Variants in FRMD4B observed in about 807,000 individuals in gnomAD.
FRMD4B encodes the protein FERM domain-containing protein 4B.
A neutral mutation model predicts 141.5 loss-of-function variants in FRMD4B; 74 were observed. That is an observed-to-expected ratio of 0.52 (90% CI 0.43 to 0.63). The LOEUF is 0.63. Among genes scored for constraint, FRMD4B ranks in the 30% least tolerant of loss-of-function variants. FRMD4B has a pLI of 0.00. For synonymous variants in FRMD4B, 506 were observed against 467.9 expected, an observed-to-expected ratio of 1.08 and a Z score of -1.05; for missense variants, 1,366 against 1,253.4, an observed-to-expected ratio of 1.09 and a Z score of -1.36.
intron 1 of FRMD4B, among the ~76,000 whole-genome samples, chr3:69,514,289 C>A (rs146036528): frequency 6.6e-6 from 1 of 151,928 alleles, no homozygotes; most frequent in Non-Finnish European, 1.5e-5. Flanking sequence ...ATTAGGGAAA[C>A]AATTTCATTT....
intron 11 of FRMD4B, 77 bp downstream of exon 11, chr3:69,216,186 G>T: frequency 1.2e-6 from 1 of 814,294 alleles, no homozygotes; most frequent in Non-Finnish European, 2.1e-6. Flanking sequence ...ACAACCTAAT[G>T]GTGTGTGCTT....
In FRMD4B at chr3:69,307,292, G is replaced by A. The variant is rs964542487; in HGVS notation, c.323+3971C>T. 1.2e-4 allele frequency among the ~76,000 whole-genome samples: 18 copies of A among 152,120 alleles called. 1 individual carries two copies. The highest frequency in any genetic ancestry group is 1.2e-3 in the Admixed American group (18 of 15,278). ...GCGTAGTTTTGAGAAAGAAATCTCA[G>A]GGCAGACAACAAGAAGGGTGGCCCA... On this transcript the variant is annotated intron_variant, in intron 3 of 22. Transcript: ENST00000398540.
At chr3:69,238,955 T>C (rs1432998981) in intron 7 of FRMD4B, among the ~76,000 whole-genome samples, 3 of 152,344 alleles carry the variant, frequency 2.0e-5, no homozygotes, top group South Asian at 2.1e-4. Flanking sequence ...ATTTAATATA[T>C]TGGACATACT....
In FRMD4B at chr3:69,526,523, A is replaced by G. The variant is rs1008672565; in HGVS notation, c.-129+15683T>C. Among the ~76,000 whole-genome samples, 4 of 152,160 alleles carry G rather than the reference A, an allele frequency of 2.6e-5. No homozygotes were observed. In the East Asian group the frequency reaches 7.7e-4, roughly 29 times the overall value. ...ACGGAGGCAACAGGCTGGCACCATA[A>G]AAATCGCATTGGCTCTGCAGTCAGA... On this transcript the variant is annotated intron_variant, in intron 1 of 5. Transcript: ENST00000459638.
At chr3:69,446,308 G>A (rs575678984) in intron 1 of FRMD4B, among the ~76,000 whole-genome samples, 1 of 151,516 alleles carries the variant, frequency 6.6e-6, no homozygotes, top group East Asian at 2.0e-4. Flanking sequence ...TTGCAGGCGT[G>A]AGCCACCGTG....
Position 69,221,850 on chromosome 3 carries a change from A to G in FRMD4B, c.731+8T>C. The G allele has an allele frequency of 7.0e-7, 1 of 1,420,648 alleles. No individual in the cohort carries two copies. The highest frequency in any genetic ancestry group is 2.3e-5 in the East Asian group (1 of 43,590). 88.0% of individuals were successfully genotyped at this position (1,420,648 alleles called of 1,614,324 possible). ...AAATTATATCTAAGCAAAAGGAAAG[A>G]TACTTACTGAACCACAGCTTGACCT... On this transcript the variant is annotated splice_region_variant and intron_variant, in intron 9 of 22. Coordinates refer to ENST00000398540, the MANE Select transcript of FRMD4B (RefSeq NM_015123.3).
At chr3:69,439,432 A>G (rs1302389764) in intron 1 of FRMD4B, among the ~76,000 whole-genome samples, 1 of 152,148 alleles carries the variant, frequency 6.6e-6, no homozygotes. Context: ...CTCCTGGTAA[A>G]TCTCACCTGG....
intron 1 of FRMD4B, among the ~76,000 whole-genome samples, chr3:69,483,743 G>A (rs1367944167): frequency 6.6e-6 from 1 of 152,068 alleles, no homozygotes; most frequent in East Asian, 1.9e-4. Context: ...AACCAACTGT[G>A]GACCCTTATA....
chr3:69,203,632 T>C (rs1233443551), intron 11 of FRMD4B, among the ~76,000 whole-genome samples: 1 of 152,202 alleles, frequency 6.6e-6, no homozygotes, highest in Admixed American at 6.5e-5. Flanking sequence ...TTTGGCAAGC[T>C]GCTTAACTTT....
chr3:69,344,496 G>T (rs946156300), intron 1 of FRMD4B, among the ~76,000 whole-genome samples: 1 of 152,208 alleles, frequency 6.6e-6, no homozygotes, highest in African/African-American at 2.4e-5. Flanking sequence ...CTGAAAAATA[G>T]CCTCAGCATT....
intron 18 of FRMD4B, among the ~76,000 whole-genome samples, chr3:69,188,949 C>T (rs1049988965): frequency 5.9e-5 from 9 of 151,770 alleles, no homozygotes; most frequent in African/African-American, 1.9e-4. Context: ...CGGCTGGGCT[C>T]GGTGGCTCAC....
intron 11 of FRMD4B, among the ~76,000 whole-genome samples, chr3:69,199,855 A>G (rs1342302430): frequency 1.3e-5 from 2 of 152,232 alleles, no homozygotes; most frequent in Non-Finnish European, 2.9e-5. Flanking sequence ...ATGCCTTGCT[A>G]TGTTTTCTGG....
At position 69,311,252 on chromosome 3, in the gene FRMD4B, A is replaced by T; in HGVS notation, c.323+11T>A. 1.5e-6 allele frequency: 2 copies of T among 1,303,796 alleles called. No homozygotes were observed. Among genetic ancestry groups the T allele is most frequent in the Non-Finnish European group, 2.2e-6 (2 of 903,866 alleles). 80.8% of individuals were successfully genotyped at this position (1,303,796 alleles called of 1,614,324 possible). A position where few individuals can be genotyped will look rare whatever the true frequency, so the allele number is the denominator to read the frequency against. ...AAAAGGTAAAGAAACTAAAACTATT[A>T]AAGGACTTACGTGTCATCTATGAAT... On this transcript the variant is annotated intron_variant, in intron 3 of 22. Transcript: ENST00000398540.
intron 4 of FRMD4B, among the ~76,000 whole-genome samples, chr3:69,288,302 C>T (rs1294464334): frequency 2.0e-5 from 3 of 152,262 alleles, no homozygotes; most frequent in Non-Finnish European, 2.9e-5. Flanking sequence ...GGGCCCCATG[C>T]CTACCTGACC....
chr3:69,176,389 A>G (rs2092646110), intron 22 of FRMD4B, 135 bp downstream of exon 22: 1 of 690,898 alleles, frequency 1.4e-6, no homozygotes, highest in African/African-American at 1.8e-5. Flanking sequence ...ACCAAAACAG[A>G]TGGCAGCTGG....
chr3:69,415,794 T>C (rs1704848120), intron 2 of FRMD4B, among the ~76,000 whole-genome samples: 1 of 152,258 alleles, frequency 6.6e-6, no homozygotes, highest in African/African-American at 2.4e-5. Flanking sequence ...CTACTTTGTC[T>C]GCTTTTGGTC....
chr3:69,283,970 C>CA (rs146536193), intron 5 of FRMD4B, among the ~76,000 whole-genome samples: 3 of 137,820 alleles, frequency 2.2e-5, no homozygotes, highest in African/African-American at 8.2e-5. Flanking sequence ...CAAAACAAAA[C>CA]AAAACAAAAA....
chr3:69,309,144 G>C (rs1701489250), intron 3 of FRMD4B, among the ~76,000 whole-genome samples: 1 of 152,050 alleles, frequency 6.6e-6, no homozygotes, highest in African/African-American at 2.4e-5. Flanking sequence ...TATTTTTAGA[G>C]ATGGGTTCTT....
intron 7 of FRMD4B, chr3:69,228,375 T>C (rs2093274482): frequency 2.2e-6 from 1 of 456,784 alleles, no homozygotes; most frequent in Admixed American, 2.4e-5. Context: ...CATTAGAAAA[T>C]CAACTGGGTA....
Sources: allele counts gnomAD v4.1 joint callset (sites outside exome capture counted in the v4.1 genomes callset), GRCh38; gene constraint gnomAD v4.1.1; transcripts MANE v1.5; gene names NCBI Gene and HGNC (gene_info 2026-07-23, HGNC 2026-07-21).